Variants in PSPN observed in about 807,000 individuals in gnomAD.
The protein encoded by PSPN is persephin.
A neutral mutation model predicts 9.4 loss-of-function variants in PSPN; 12 were observed. The observed-to-expected ratio is 1.28, with a 90% CI of 0.82 to 2.07. The LOEUF is 2.07. Ranked by LOEUF, PSPN falls within the 30% of genes most tolerant of loss-of-function variation. PSPN has a pLI of 0.00. For missense variants in PSPN, 229 were observed against 227.4 expected, an observed-to-expected ratio of 1.01 and a Z score of -0.05; for synonymous variants, 115 against 106.4, an observed-to-expected ratio of 1.08 and a Z score of -0.50.
chr19:6,375,521 A>G lies in PSPN; in HGVS notation c.244T>C (p.Tyr82His). The G allele has an allele frequency of 6.4e-7, 1 of 1,565,428 alleles. No homozygotes were observed. ...AAGATGACCTTCTCCTCTGAGGCGTAGCCCAGGCCTAGCTCTGCCACGGAC... is the reference window on the plus strand; with the variant it reads ...AAGATGACCTTCTCCTCTGAGGCGTGGCCCAGGCCTAGCTCTGCCACGGAC... ...TLSVAELGLG[Y>H]ASEEKVIFRY... The change falls in exon 2 of 2, where the codon TAC (tyrosine) becomes CAC (histidine). Residue 82 changes from tyrosine (Y) to histidine (H), a missense_variant. Tyr to His is a moderately conservative substitution (Grantham distance 83). Transcript: ENST00000245810.
In PSPN at chr19:6,375,925, A is replaced by G. The variant is rs553816325; in HGVS notation, c.-76T>C. 1 of 1,590,740 alleles carries G rather than the reference A, an allele frequency of 6.3e-7. No homozygotes were observed. Among genetic ancestry groups the G allele is most frequent in the South Asian group, 1.1e-5 (1 of 89,342 alleles). The stretch of plus-strand genomic sequence containing the variant: ...GCCTGGGCTGGGAGCTAACCTCTTC[A>G]CTGCCGGCCCCTGCAGCCAGGAGGC... On this transcript the variant is annotated 5_prime_UTR_variant, in exon 1 of 2. Coordinates refer to ENST00000245810, the MANE Select transcript of PSPN (RefSeq NM_004158.5).
At position 6,375,579 on chromosome 19, in the gene PSPN, CAG is replaced by C. The variant is rs1344732487; in HGVS notation, c.184_185del (p.Leu62ValfsTer75). Reference protein sequence around the residue: ...HRPLARLRRALSGPCQLWSLT... With the variant: ...HRPLARLRRAXSGPCQLWSLT... The stretch of plus-strand genomic sequence containing the variant: ...GGCTCCACAGCTGGCATGGACCAGA[CAG>C]GGCTCGGCGCAGGCGGGCAAGGGGG... On this transcript the variant is annotated frameshift_variant, in exon 2 of 2. Transcript: ENST00000245810. LOFTEE classifies it high-confidence loss of function. 2.5e-6 allele frequency: 4 copies of C among 1,582,612 alleles called. No homozygotes were observed. Among genetic ancestry groups the C allele is most frequent in the East Asian group, 2.3e-5 (1 of 43,262 alleles).
In PSPN at chr19:6,375,342, C is replaced by G. The variant is rs1407107728; in HGVS notation, c.423G>C (p.Trp141Cys). ...CCGCCGAGAGCTGGGGCAGCCGCTG[C>G]CAGCGGTGGCGGTCATCGAGGAAGG... The part of the protein sequence containing the change: ...DVAFLDDRHR[W>C]QRLPQLSAAA... The change falls in exon 2 of 2, where the codon TGG becomes TGC. Residue 141 changes from tryptophan (W) to cysteine (C), a missense_variant. Transcript: ENST00000245810. The G allele has an allele frequency of 6.9e-7, 1 of 1,452,502 alleles. No individual in the cohort carries two copies. The highest frequency in any genetic ancestry group is 9.0e-7 in the Non-Finnish European group (1 of 1,113,800). 90.0% of individuals were successfully genotyped at this position (1,452,502 alleles called of 1,614,324 possible).
At position 6,375,578 on chromosome 19, in the gene PSPN, A is replaced by C; in HGVS notation, c.187T>G (p.Ser63Ala). ...AGGCTCCACAGCTGGCATGGACCAGACAGGGCTCGGCGCAGGCGGGCAAGG... is the reference window on the plus strand; with the variant it reads ...AGGCTCCACAGCTGGCATGGACCAGCCAGGGCTCGGCGCAGGCGGGCAAGG... Reference protein sequence around the residue: ...RPLARLRRALSGPCQLWSLTL... With the variant: ...RPLARLRRALAGPCQLWSLTL... Residue 63 changes from serine (S) to alanine (A), a missense_variant, in exon 2 of 2, where the codon TCT becomes GCT. Ser to Ala is a moderately conservative substitution (Grantham distance 99). Transcript: ENST00000245810. 6.3e-7 allele frequency: 1 copy of C among 1,583,034 alleles called. No homozygotes were observed. Among genetic ancestry groups the C allele is most frequent in the Non-Finnish European group, 8.6e-7 (1 of 1,164,306 alleles).
chr19:6,375,395 A>G lies in PSPN; in HGVS notation c.370T>C (p.Cys124Arg), dbSNP rs2091916980. Residue 124 changes from cysteine to arginine, a missense_variant, in exon 2 of 2, where the codon TGC becomes CGC. By Grantham distance (180) the Cys-to-Arg change is radical. Transcript: ENST00000245810. ...ACGTCGGTGTAGCGAGTGGGCCGGCAGCAGGGCCCGCCGTGGGCTCGGCCC... is the reference window on the plus strand; with the variant it reads ...ACGTCGGTGTAGCGAGTGGGCCGGCGGCAGGGCCCGCCGTGGGCTCGGCCC... Reference protein sequence around the residue: ...GQGRAHGGPCCRPTRYTDVAF... With the variant: ...GQGRAHGGPCRRPTRYTDVAF... 4 of 1,487,048 alleles carry G rather than the reference A, an allele frequency of 2.7e-6. No homozygotes were observed. Among genetic ancestry groups the G allele is most frequent in the Non-Finnish European group, 3.6e-6 (4 of 1,126,018 alleles). 92.1% of individuals were successfully genotyped at this position (1,487,048 alleles called of 1,614,324 possible). A position where few individuals can be genotyped will look rare whatever the true frequency, so the allele number is the denominator to read the frequency against.
chr19:6,375,538 G>C lies in PSPN; in HGVS notation c.227C>G (p.Ala76Gly), dbSNP rs2091918055. Residue 76 changes from alanine (A) to glycine (G), a missense_variant, in exon 2 of 2, where the codon GCA (alanine) becomes GGA (glycine). Coordinates refer to ENST00000245810, the MANE Select transcript of PSPN (RefSeq NM_004158.5). ...TGAGGCGTAGCCCAGGCCTAGCTCTGCCACGGACAGGGTCAGGCTCCACAG... is the reference window on the plus strand; with the variant it reads ...TGAGGCGTAGCCCAGGCCTAGCTCTCCCACGGACAGGGTCAGGCTCCACAG... ...CQLWSLTLSVAELGLGYASEE... is the reference protein window; with the variant it reads ...CQLWSLTLSVGELGLGYASEE... 1 of 1,571,816 alleles carries C rather than the reference G, an allele frequency of 6.4e-7. No homozygotes were observed. Among genetic ancestry groups the C allele is most frequent in the South Asian group, 1.2e-5 (1 of 86,032 alleles).
At position 6,375,327 on chromosome 19, in the gene PSPN, C is replaced by G. The variant is rs2091916381; in HGVS notation, c.438G>C (p.Gln146His). ...CACAGCCGCAGGCAGCCGCCGAGAG[C>G]TGGGGCAGCCGCTGCCAGCGGTGGC... Reference protein sequence around the residue: ...DDRHRWQRLPQLSAAACGCGG With the variant: ...DDRHRWQRLPHLSAAACGCGG The change falls in exon 2 of 2, where the codon CAG becomes CAC. Residue 146 changes from glutamine (Q) to histidine (H), a missense_variant. By Grantham distance (24) the Gln-to-His change is conservative. Transcript: ENST00000245810. 1.4e-6 allele frequency: 2 copies of G among 1,442,506 alleles called. No homozygotes were observed. Among genetic ancestry groups the G allele is most frequent in the African/African-American group, 3.0e-5 (2 of 66,812 alleles). 89.4% of individuals were successfully genotyped at this position (1,442,506 alleles called of 1,614,324 possible).
At position 6,375,456 on chromosome 19, in the gene PSPN, G is replaced by A; in HGVS notation, c.309C>T (p.Thr103=). The A allele has an allele frequency of 1.3e-6, 2 of 1,546,876 alleles. No individual in the cohort carries two copies. Among genetic ancestry groups the A allele is most frequent in the East Asian group, 2.4e-5 (1 of 41,180 alleles). The change falls in exon 2 of 2, where the codon ACC becomes ACT. Residue 103 remains threonine, a synonymous_variant. Transcript: ENST00000245810. Reference sequence around the variant, plus strand: ...GCCGGGCCAGCGCCAGGCCATGCTGGGTGCGGGCACCACGGGGGCAGCTGC... The same window carrying A: ...GCCGGGCCAGCGCCAGGCCATGCTGAGTGCGGGCACCACGGGGGCAGCTGC... ...CAGSCPRGAR[T]QHGLALARLQ...
Position 6,375,381 on chromosome 19 carries a change from G to A in PSPN, c.384C>T (p.Arg128=), listed in dbSNP as rs2091916788. 2 of 1,484,838 alleles carry A rather than the reference G, an allele frequency of 1.3e-6. No homozygotes were observed. Among genetic ancestry groups the A allele is most frequent in the African/African-American group, 1.5e-5 (1 of 68,876 alleles). The allele number at this position is 1,484,838 out of a possible 1,614,324, so 92.0% of individuals were successfully genotyped here. A position where few individuals can be genotyped will look rare whatever the true frequency, so the allele number is the denominator to read the frequency against. The stretch of plus-strand genomic sequence containing the variant: ...CATCGAGGAAGGCCACGTCGGTGTA[G>A]CGAGTGGGCCGGCAGCAGGGCCCGC... The part of the protein sequence containing the change: ...AHGGPCCRPT[R]YTDVAFLDDR... The change falls in exon 2 of 2, where the codon CGC becomes CGT. Residue 128 remains arginine (R), a synonymous_variant. Coordinates refer to ENST00000245810, the MANE Select transcript of PSPN (RefSeq NM_004158.5).
Position 6,375,150 on chromosome 19 carries a change from C to T in PSPN, c.*144G>A, listed in dbSNP as rs192480995. 5.7e-5 allele frequency: 74 copies of T among 1,292,638 alleles called. No homozygotes were observed. Among genetic ancestry groups the T allele is most frequent in the Non-Finnish European group, 7.1e-5 (69 of 975,476 alleles). 80.1% of individuals were successfully genotyped at this position (1,292,638 alleles called of 1,614,324 possible). A position where few individuals can be genotyped will look rare whatever the true frequency, so the allele number is the denominator to read the frequency against. ...GGACACATGGTCAAAGTCACAAGGC[C>T]GGGAGAGTGGTGTCCTTTATTGCAC... On this transcript the variant is annotated 3_prime_UTR_variant, in exon 2 of 2. Transcript: ENST00000245810.
chr19:6,375,294 TCAGCCACCACAGCCGCAGG>T lies in PSPN; in HGVS notation c.452_470del (p.Ala151GlufsTer40). Reference sequence around the variant, plus strand: ...CTTCTGGGTGCCAGGCCGGGCACCCTCAGCCACCACAGCCGCAGGCAGCCGCCGAGAGCTGGGGCAGCCG... The same window carrying T: ...CTTCTGGGTGCCAGGCCGGGCACCCTCAGCCGCCGAGAGCTGGGGCAGCCG... On this transcript the variant is annotated frameshift_variant and stop_lost, in exon 2 of 2. Transcript: ENST00000245810. LOFTEE classifies it high-confidence loss of function. 7.8e-6 allele frequency: 11 copies of T among 1,413,176 alleles called. No individual in the cohort carries two copies. Among genetic ancestry groups the T allele is most frequent in the Non-Finnish European group, 9.1e-6 (10 of 1,094,584 alleles). The allele number at this position is 1,413,176 out of a possible 1,614,324, so 87.5% of individuals were successfully genotyped here. A position where few individuals can be genotyped will look rare whatever the true frequency, so the allele number is the denominator to read the frequency against.
In PSPN at chr19:6,375,473, G is replaced by C. The variant is rs778290209; in HGVS notation, c.292C>G (p.Pro98Ala). Reference sequence around the variant, plus strand: ...CCATGCTGGGTGCGGGCACCACGGGGGCAGCTGCCGGCGCAGTAGCGGAAG... The same window carrying C: ...CCATGCTGGGTGCGGGCACCACGGGCGCAGCTGCCGGCGCAGTAGCGGAAG... ...VIFRYCAGSC[P>A]RGARTQHGLA... is the part of the protein sequence containing the mutation. Residue 98 changes from proline (P) to alanine (A), a missense_variant, in exon 2 of 2, where the codon CCC (proline) becomes GCC (alanine). Pro to Ala is a conservative substitution (Grantham distance 27, BLOSUM62 -1). Transcript: ENST00000245810. The C allele has an allele frequency of 2.6e-6, 4 of 1,554,128 alleles. No individual in the cohort carries two copies. The highest frequency in any genetic ancestry group is 3.5e-6 in the Non-Finnish European group (4 of 1,149,060).
rs750141425 is a variant in PSPN at position 6,375,449 on chromosome 19, C to T, written c.316G>A (p.Gly106Ser). Residue 106 changes from glycine to serine, a missense_variant, in exon 2 of 2, where the codon GGC becomes AGC. By Grantham distance (56) the Gly-to-Ser change is moderately conservative. Transcript: ENST00000245810. ...CCCTGCAGCCGGGCCAGCGCCAGGC[C>T]ATGCTGGGTGCGGGCACCACGGGGG... ...SCPRGARTQHGLALARLQGQG... is the reference protein window; with the variant it reads ...SCPRGARTQHSLALARLQGQG... 1.3e-6 allele frequency: 2 copies of T among 1,546,208 alleles called. No individual in the cohort carries two copies. The highest frequency in any genetic ancestry group is 2.4e-5 in the South Asian group (2 of 83,816).
chr19:6,375,225 A>G lies in PSPN; in HGVS notation c.*69T>C, dbSNP rs1304304297. The G allele has an allele frequency of 7.3e-7, 1 of 1,378,226 alleles. No individual in the cohort carries two copies. The highest frequency in any genetic ancestry group is 9.4e-7 in the Non-Finnish European group (1 of 1,068,468). 85.4% of individuals were successfully genotyped at this position (1,378,226 alleles called of 1,614,324 possible). A position where few individuals can be genotyped will look rare whatever the true frequency, so the allele number is the denominator to read the frequency against. ...TCCCCTCCTCGTTGTCTCTGCATCC[A>G]GGTCTCCAATAAATAAGTCAGCCGA... On this transcript the variant is annotated 3_prime_UTR_variant, in exon 2 of 2. Transcript: ENST00000245810.
At position 6,375,283 on chromosome 19, in the gene PSPN, G is replaced by GC; in HGVS notation, c.*10dup. 2 of 1,409,448 alleles carry GC rather than the reference G, an allele frequency of 1.4e-6. No individual in the cohort carries two copies. Among genetic ancestry groups the GC allele is most frequent in the Non-Finnish European group, 1.8e-6 (2 of 1,092,194 alleles). 87.3% of individuals were successfully genotyped at this position (1,409,448 alleles called of 1,614,324 possible). A position where few individuals can be genotyped will look rare whatever the true frequency, so the allele number is the denominator to read the frequency against. Reference sequence around the variant, plus strand: ...CAGCACTGCAGCTTCTGGGTGCCAGGCCGGGCACCCTCAGCCACCACAGCC... The same window carrying GC: ...CAGCACTGCAGCTTCTGGGTGCCAGGCCCGGGCACCCTCAGCCACCACAGCC... On this transcript the variant is annotated 3_prime_UTR_variant, in exon 2 of 2. Transcript: ENST00000245810.
chr19:6,375,238 A>G lies in PSPN; in HGVS notation c.*56T>C. The G allele has an allele frequency of 1.4e-6, 2 of 1,389,378 alleles. No homozygotes were observed. The allele number at this position is 1,389,378 out of a possible 1,614,324, so 86.1% of individuals were successfully genotyped here. On this transcript the variant is annotated 3_prime_UTR_variant, in exon 2 of 2. Transcript: ENST00000245810. Reference sequence around the variant, plus strand: ...GTCTCTGCATCCAGGTCTCCAATAAATAAGTCAGCCGAGCTCCCCCAGCAC... The same window carrying G: ...GTCTCTGCATCCAGGTCTCCAATAAGTAAGTCAGCCGAGCTCCCCCAGCAC...
chr19:6,375,401 G>T lies in PSPN; in HGVS notation c.364C>A (p.Pro122Thr). ...LQGQGRAHGGPCCRPTRYTDV... is the reference protein window; with the variant it reads ...LQGQGRAHGGTCCRPTRYTDV... ...GTGTAGCGAGTGGGCCGGCAGCAGG[G>T]CCCGCCGTGGGCTCGGCCCTGGCCC... Residue 122 changes from proline (P) to threonine (T), a missense_variant, in exon 2 of 2, where the codon CCC (proline) becomes ACC (threonine). Transcript: ENST00000245810. 2 of 1,494,566 alleles carry T rather than the reference G, an allele frequency of 1.3e-6. No homozygotes were observed. Among genetic ancestry groups the T allele is most frequent in the Non-Finnish European group, 1.8e-6 (2 of 1,128,488 alleles). The allele number at this position is 1,494,566 out of a possible 1,614,324, so 92.6% of individuals were successfully genotyped here.
In PSPN at chr19:6,375,682, GGGTCCCTGGAAGTCCTTACCCAGCCA is replaced by G. The variant is rs1400788310; in HGVS notation, c.142_148+19del. On this transcript the variant is annotated splice_donor_variant and splice_donor_5th_base_variant and coding_sequence_variant and intron_variant, in exon 1 of 2. Coordinates refer to ENST00000245810, the MANE Select transcript of PSPN (RefSeq NM_004158.5). LOFTEE classifies it high-confidence loss of function. ...CTGGGGAAAGTTGGGAAGTCACAGA[GGGTCCCTGGAAGTCCTTACCCAGCCA>G]GGTCCCTCCAGCCTTTGCCACCTGT... 6.2e-7 allele frequency: 1 copy of G among 1,611,822 alleles called. No homozygotes were observed. Among genetic ancestry groups the G allele is most frequent in the Non-Finnish European group, 8.5e-7 (1 of 1,178,998 alleles).
rs2091917807 is a variant in PSPN at position 6,375,503 on chromosome 19, C to T, written c.262G>A (p.Val88Ile). ...CTGCCGGCGCAGTAGCGGAAGATGA[C>T]CTTCTCCTCTGAGGCGTAGCCCAGG... ...LGLGYASEEKVIFRYCAGSCP... is the reference protein window; with the variant it reads ...LGLGYASEEKIIFRYCAGSCP... The change falls in exon 2 of 2, where the codon GTC (valine) becomes ATC (isoleucine). Residue 88 changes from valine to isoleucine, a missense_variant. By Grantham distance (29) the Val-to-Ile change is conservative. Transcript: ENST00000245810. 1 of 1,559,680 alleles carries T rather than the reference C, an allele frequency of 6.4e-7. No individual in the cohort carries two copies. The highest frequency in any genetic ancestry group is 1.4e-5 in the African/African-American group (1 of 73,794).
Sources: gnomAD v4.1 joint callset for allele counts on GRCh38, gnomAD v4.1.1 for gene constraint, MANE v1.5 for transcripts, NCBI Gene and HGNC (gene_info 2026-07-23, HGNC 2026-07-21) for gene names.